The following GRID1 variants were observed in gnomAD, a reference collection of about 807,000 sequenced individuals.
GRID1 encodes the protein glutamate receptor ionotropic, delta-1.
GRID1 carries 28 observed loss-of-function variants against 98.0 expected under a neutral mutation model. The ratio of observed to expected loss-of-function variants is 0.29; its 90% CI spans 0.21 to 0.39. The LOEUF (loss-of-function observed/expected upper bound fraction) is 0.39, where lower values mean the gene tolerates loss of function less well. Among genes scored for constraint, GRID1 ranks in the 10% least tolerant of loss-of-function variants. GRID1 has a pLI of 1.00. For missense variants in GRID1, 1,111 were observed against 1,340.5 expected (o/e 0.83, Z 2.67); for synonymous variants, 553 against 538.5 (o/e 1.03, Z -0.37).
chr10:85,982,524 GGGGAGTATTGC>G (rs1009837355), intron 4 of GRID1, among the ~76,000 whole-genome samples: 3 of 152,158 alleles, frequency 2.0e-5, no homozygotes, highest in East Asian at 3.9e-4. Flanking sequence ...AAGGGTGAAT[GGGGAGTATTGC>G]GGGAGTATTG....
At chr10:86,047,062 A>G (rs1456380996) in intron 4 of GRID1, among the ~76,000 whole-genome samples, 1 of 152,172 alleles carries the variant, frequency 6.6e-6, no homozygotes, top group Non-Finnish European at 1.5e-5. Flanking sequence ...CATCAGAACA[A>G]ATGATTGCCT....
chr10:85,971,754 C>T (rs1319218988), intron 4 of GRID1, among the ~76,000 whole-genome samples: 1 of 152,078 alleles, frequency 6.6e-6, no homozygotes, highest in Non-Finnish European at 1.5e-5. Flanking sequence ...GGAAAAAATT[C>T]CTGCAATCAT....
chr10:86,147,650 A>G (rs1252811474), intron 3 of GRID1, among the ~76,000 whole-genome samples: 1 of 152,190 alleles, frequency 6.6e-6, no homozygotes, highest in Non-Finnish European at 1.5e-5. Context: ...GCAGAAGACT[A>G]AAACTGGACA....
intron 3 of GRID1, among the ~76,000 whole-genome samples, chr10:86,196,873 T>C (rs11201936): frequency 0.053 from 8,017 of 151,762 alleles, 280 homozygotes; most frequent in South Asian, 0.078. Context: ...CATATATTAC[T>C]GCTGTAATTG....
At chr10:86,270,572 C>T (rs527464813) in intron 2 of GRID1, among the ~76,000 whole-genome samples, 11 of 152,190 alleles carry the variant, frequency 7.2e-5, no homozygotes, top group Non-Finnish European at 1.3e-4. Flanking sequence ...TGCCTGTAAT[C>T]CCAGCTACTC....
chr10:85,837,577 G>C (rs773726272), intron 8 of GRID1, among the ~76,000 whole-genome samples: 1 of 151,722 alleles, frequency 6.6e-6, no homozygotes, highest in Non-Finnish European at 1.5e-5. Flanking sequence ...AATAAAGCAA[G>C]TTAGTGAATC....
chr10:85,993,729 T>G (rs1842708542), intron 4 of GRID1, among the ~76,000 whole-genome samples: 1 of 152,228 alleles, frequency 6.6e-6, no homozygotes, highest in South Asian at 2.1e-4. Context: ...TATGGCTAAT[T>G]GCTTTTACAT....
intron 12 of GRID1, among the ~76,000 whole-genome samples, chr10:85,667,200 C>T (rs1349583397): frequency 3.3e-5 from 5 of 152,124 alleles, no homozygotes; most frequent in Middle Eastern, 3.4e-3. Context: ...ATGGGAAGCC[C>T]GTCTATTCTT....
chr10:86,292,506 C>T (rs1847528975), intron 2 of GRID1, among the ~76,000 whole-genome samples: 1 of 152,256 alleles, frequency 6.6e-6, no homozygotes, highest in Non-Finnish European at 1.5e-5. Flanking sequence ...GTTGAGCTCA[C>T]AGATAAGCGT....
chr10:86,310,392 A>C (rs1429364538), intron 2 of GRID1, among the ~76,000 whole-genome samples: 1 of 151,912 alleles, frequency 6.6e-6, no homozygotes, highest in African/African-American at 2.4e-5. Flanking sequence ...CATCCCCAGC[A>C]CTTTCACCAG....
intron 4 of GRID1, among the ~76,000 whole-genome samples, chr10:85,928,843 G>A (rs1306991818): frequency 2.0e-5 from 3 of 152,102 alleles, no homozygotes; most frequent in Non-Finnish European, 4.4e-5. Context: ...ACCTCTTCTT[G>A]TCTTCCAACA....
intron 4 of GRID1, among the ~76,000 whole-genome samples, chr10:85,964,204 T>C (rs1263690086): frequency 6.6e-6 from 1 of 152,114 alleles, no homozygotes; most frequent in Non-Finnish European, 1.5e-5. Context: ...AAAATGGCCA[T>C]ACTGCCCAAA....
At chr10:85,637,255 A>G (rs1210606471) in intron 13 of GRID1, among the ~76,000 whole-genome samples, 1 of 152,236 alleles carries the variant, frequency 6.6e-6, no homozygotes, top group Non-Finnish European at 1.5e-5. Context: ...TGAAAAAAGA[A>G]ATATTTTAAA....
At chr10:86,187,366 T>C (rs1845739832) in intron 3 of GRID1, among the ~76,000 whole-genome samples, 1 of 152,176 alleles carries the variant, frequency 6.6e-6, no homozygotes, top group Admixed American at 6.5e-5. Flanking sequence ...ACCTGAGACA[T>C]GGAGACATTG....
At chr10:86,061,102 A>C (rs1589356791) in intron 4 of GRID1, among the ~76,000 whole-genome samples, 2 of 149,738 alleles carry the variant, frequency 1.3e-5, no homozygotes, top group Admixed American at 6.6e-5. Context: ...TCCCACCCCC[A>C]CCTCCTGGGG....
chr10:86,252,247 C>T (rs1434780864), intron 2 of GRID1, among the ~76,000 whole-genome samples: 1 of 152,178 alleles, frequency 6.6e-6, no homozygotes, highest in African/African-American at 2.4e-5. Context: ...CCAAGAAGAG[C>T]GTTAATATCA....
intron 8 of GRID1, among the ~76,000 whole-genome samples, chr10:85,781,427 C>G (rs755027743): frequency 1.2e-4 from 19 of 152,178 alleles, no homozygotes; most frequent in Non-Finnish European, 2.4e-4. Context: ...CATATAGTTA[C>G]TTTTTTGTAG....
chr10:86,262,909 G>A (rs1029836549), intron 2 of GRID1, among the ~76,000 whole-genome samples: 2 of 152,146 alleles, frequency 1.3e-5, no homozygotes, highest in African/African-American at 2.4e-5. Flanking sequence ...CTCCCTGCGC[G>A]GCGTTCCCAG....
At chr10:86,204,901 G>A (rs1031765100) in intron 3 of GRID1, among the ~76,000 whole-genome samples, 5 of 151,258 alleles carry the variant, frequency 3.3e-5, no homozygotes, top group Non-Finnish European at 7.4e-5. Context: ...GGGTTCTCGG[G>A]GAAGGCCTGG....
Sources: gnomAD v4.1 joint callset for allele counts (sites outside exome capture counted in the v4.1 genomes callset) on GRCh38, gnomAD v4.1.1 for gene constraint, MANE v1.5 for transcripts, NCBI Gene and HGNC (gene_info 2026-07-23, HGNC 2026-07-21) for gene names.